Variants in LINGO1 observed in about 807,000 individuals in gnomAD.
The protein encoded by LINGO1 is leucine rich repeat and Ig domain containing 1, also known as leucine-rich repeat and immunoglobulin-like domain-containing nogo receptor-interacting protein 1.
Under a neutral mutation model 37.3 loss-of-function variants are expected in LINGO1, and 11 were observed. That is an observed-to-expected ratio of 0.29 (90% CI 0.19 to 0.49). LINGO1 has a LOEUF of 0.49. Ranked by LOEUF, LINGO1 falls within the 20% of genes least tolerant of loss-of-function variation. The pLI is 0.99. For missense variants in LINGO1, 585 were observed against 878.2 expected, an observed-to-expected ratio of 0.67 and a Z score of 4.22; for synonymous variants, 387 against 403.0, an observed-to-expected ratio of 0.96 and a Z score of 0.48.
Position 77,720,349 on chromosome 15 carries a change from G to A in LINGO1, c.-195+14643C>T, listed in dbSNP as rs553958925. On this transcript the variant is annotated intron_variant, in intron 2 of 3. Coordinates refer to the LINGO1 transcript ENST00000561686. ...TCCCGCCCCAATGGCCAGTCCCGCC[G>A]CCCGCCAGGTCCACGCACCTGCCCC... is the stretch of plus-strand genomic sequence containing the variant. 2.8e-4 allele frequency among the ~76,000 whole-genome samples: 42 copies of A among 152,336 alleles called. No homozygotes were observed. In the East Asian group the frequency reaches 6.0e-3, roughly 22 times the overall value.
chr15:77,797,701 T>A (rs1330583428), intron 1 of LINGO1, among the ~76,000 whole-genome samples: 3 of 152,164 alleles, frequency 2.0e-5, no homozygotes, highest in Non-Finnish European at 4.4e-5. Context: ...CCCTGTTGGG[T>A]GCCGTCCAGC....
At chr15:77,804,988 A>G (rs910834810) in intron 1 of LINGO1, among the ~76,000 whole-genome samples, 6 of 152,056 alleles carry the variant, frequency 3.9e-5, no homozygotes, top group African/African-American at 1.4e-4. Flanking sequence ...CACCCCCCCA[A>G]CTGCTCCTGA....
intron 1 of LINGO1, among the ~76,000 whole-genome samples, chr15:77,617,367 TC>T (rs983840429): frequency 2.7e-5 from 4 of 150,152 alleles, no homozygotes; most frequent in Non-Finnish European, 6.0e-5. Flanking sequence ...TAGGAGCTGC[TC>T]CAGGGGTGGA....
In LINGO1 at chr15:77,818,931, G is replaced by A. The variant is rs1031749747; in HGVS notation, c.-458+1327C>T. ...TCGCGTTCTCTTCTCTGGAAAGGAAGGCCGGAGTTGCACCCTCAAAGCGCC... is the reference window on the plus strand; with the variant it reads ...TCGCGTTCTCTTCTCTGGAAAGGAAAGCCGGAGTTGCACCCTCAAAGCGCC... On this transcript the variant is annotated intron_variant, in intron 1 of 5. Transcript: ENST00000562933. Among the ~76,000 whole-genome samples the A allele has an allele frequency of 3.3e-5, 5 of 151,424 alleles. No individual in the cohort carries two copies. In the South Asian group the frequency reaches 8.4e-4, roughly 25 times the overall value.
intron 1 of LINGO1, among the ~76,000 whole-genome samples, chr15:77,759,656 C>T (rs764729584): frequency 9.9e-5 from 15 of 152,218 alleles, no homozygotes; most frequent in African/African-American, 1.4e-4. Context: ...GTATTTGTCT[C>T]ATGCCCAGCT....
intron 1 of LINGO1, among the ~76,000 whole-genome samples, chr15:77,751,815 T>C (rs139666394): frequency 5.3e-5 from 8 of 152,286 alleles, no homozygotes; most frequent in East Asian, 1.9e-4. Context: ...GAGAGCAGGA[T>C]ACTTGAGCTC....
chr15:77,718,505 A>G lies in LINGO1; in HGVS notation c.-195+16487T>C, dbSNP rs575119129. 1.3e-5 allele frequency among the ~76,000 whole-genome samples: 2 copies of G among 150,956 alleles called. 1 individual carries two copies. Among genetic ancestry groups the G allele is most frequent in the Admixed American group, 1.3e-4 (2 of 15,142 alleles). Reference sequence around the variant, plus strand: ...ACACATGTATGTATTGCGTGCCTACACATGTACAGACTCACACATCCACGC... The same window carrying G: ...ACACATGTATGTATTGCGTGCCTACGCATGTACAGACTCACACATCCACGC... On this transcript the variant is annotated intron_variant, in intron 2 of 3. Transcript: ENST00000561686.
At chr15:77,695,040 C>T (rs2075667427) in intron 1 of LINGO1, among the ~76,000 whole-genome samples, 1 of 152,150 alleles carries the variant, frequency 6.6e-6, no homozygotes, top group Non-Finnish European at 1.5e-5. Context: ...CTGACAGACC[C>T]CAGGATAGTC....
At chr15:77,664,264 T>C (rs376527730) in intron 3 of LINGO1, among the ~76,000 whole-genome samples, 16 of 151,284 alleles carry the variant, frequency 1.1e-4, no homozygotes, top group African/African-American at 3.6e-4. Context: ...GAGACAGAAA[T>C]CCTCCCCAAA....
intron 1 of LINGO1, among the ~76,000 whole-genome samples, chr15:77,628,530 ATAATTT>A (rs769154637): frequency 3.3e-5 from 5 of 152,248 alleles, no homozygotes; most frequent in South Asian, 2.1e-4. Flanking sequence ...GTTAAAATAT[ATAATTT>A]TAAAGAGGCA....
chr15:77,807,940 C>T (rs1339608429), intron 1 of LINGO1, among the ~76,000 whole-genome samples: 1 of 152,102 alleles, frequency 6.6e-6, no homozygotes, highest in Non-Finnish European at 1.5e-5. Context: ...AGGGAGGGGC[C>T]TGGAAGGGGC....
intron 1 of LINGO1, chr15:77,819,177 G>GCGCCGCGCCGCCGCGC (rs372088592): frequency 1.3e-5 from 2 of 148,382 alleles, no homozygotes; most frequent in African/African-American, 4.9e-5. Context: ...GAGGCCGCGC[G>GCGCCGCGCCGCCGCGC]CGCCGCGCCG....
intron 2 of LINGO1, among the ~76,000 whole-genome samples, chr15:77,683,487 C>T (rs1004176833): frequency 3.3e-5 from 5 of 152,100 alleles, no homozygotes; most frequent in Non-Finnish European, 5.9e-5. Flanking sequence ...GGACTAGTTA[C>T]ATAAATTATG....
At chr15:77,633,058 G>T (rs962248999), upstream of LINGO1, among the ~76,000 whole-genome samples, 2 of 151,882 alleles carry the variant, frequency 1.3e-5, no homozygotes, top group South Asian at 4.1e-4. Flanking sequence ...TTCAGCGGAG[G>T]GGGCGGAGAG....
intron 1 of LINGO1, among the ~76,000 whole-genome samples, chr15:77,751,797 G>A (rs903758997): frequency 6.6e-6 from 1 of 152,236 alleles, no homozygotes; most frequent in Non-Finnish European, 1.5e-5. Context: ...TACGGGCTCA[G>A]ACGGGTGGAG....
chr15:77,614,773 C>T lies in LINGO1; in HGVS notation c.1134G>A (p.Leu378=), dbSNP rs1183950455. Residue 378 remains leucine, a synonymous_variant, in exon 2 of 2, where the codon CTG becomes CTA. Transcript: ENST00000355300. ...SNPLACDCRL[L]WVFRRRWRLN... is the part of the protein sequence containing the mutation. ...GCCGCCAGCGGCGCCGGAACACCCA[C>T]AGGAGCCGACAGTCGCAGGCCAGCG... The T allele has an allele frequency of 2.5e-6, 4 of 1,608,708 alleles. No homozygotes were observed. The highest frequency in any genetic ancestry group is 3.4e-6 in the Non-Finnish European group (4 of 1,177,540).
intron 2 of LINGO1, among the ~76,000 whole-genome samples, chr15:77,711,837 C>T (rs1290861018): frequency 6.6e-6 from 1 of 152,128 alleles, no homozygotes; most frequent in Non-Finnish European, 1.5e-5. Flanking sequence ...GAGCTTGTTC[C>T]TTCTGAAACG....
At chr15:77,620,525 G>A (rs992277233) in intron 1 of LINGO1, among the ~76,000 whole-genome samples, 1 of 152,228 alleles carries the variant, frequency 6.6e-6, no homozygotes, top group African/African-American at 2.4e-5. Flanking sequence ...CCTGACACAC[G>A]CAGTTCTCTG....
chr15:77,782,212 T>TACAC lies in LINGO1; in HGVS notation c.-257+4653_-257+4656dup, dbSNP rs56734688. 6.8e-3 allele frequency among the ~76,000 whole-genome samples: 1,025 copies of TACAC among 150,142 alleles called. 8 individuals are homozygous for TACAC. The highest frequency in any genetic ancestry group is 0.019 in the East Asian group (93 of 5,002). On this transcript the variant is annotated intron_variant, in intron 1 of 3. Transcript: ENST00000561686. ...CACGATGCTCAAGTGTGCGCACGCGTACACACACACACACACACACACACA... is the reference window on the plus strand; with the variant it reads ...CACGATGCTCAAGTGTGCGCACGCGTACACACACACACACACACACACACACACA...
Sources: allele counts gnomAD v4.1 joint callset (sites outside exome capture counted in the v4.1 genomes callset), GRCh38; gene constraint gnomAD v4.1.1; transcripts MANE v1.5; gene names NCBI Gene and HGNC (gene_info 2026-07-23, HGNC 2026-07-21).